The following TGIF1 variants were observed in gnomAD, a reference collection of about 807,000 sequenced individuals.
TGIF1 encodes TGFB induced factor homeobox 1, also known as homeobox protein TGIF1.
A neutral mutation model predicts 19.3 loss-of-function variants in TGIF1; 4 were observed. That is an observed-to-expected ratio of 0.21 (90% CI 0.10 to 0.47). The LOEUF is 0.47. Among genes scored for constraint, TGIF1 ranks in the 20% least tolerant of loss-of-function variants. The pLI is 0.98. For missense variants in TGIF1, 275 were observed against 341.4 expected, an observed-to-expected ratio of 0.81 and a Z score of 1.53; for synonymous variants, 122 against 129.3, an observed-to-expected ratio of 0.94 and a Z score of 0.38.
chr18:3,427,771 T>C (rs2082492392), intron 2 of TGIF1, among the ~76,000 whole-genome samples: 1 of 152,016 alleles, frequency 6.6e-6, no homozygotes, highest in African/African-American at 2.4e-5. Flanking sequence ...GGCTAATTTT[T>C]ATATTTTTAG....
intron 1 of TGIF1, among the ~76,000 whole-genome samples, chr18:3,452,988 T>A (rs946085180): frequency 6.6e-6 from 1 of 152,196 alleles, no homozygotes; most frequent in Admixed American, 6.5e-5. Flanking sequence ...TCCCAGTTTT[T>A]AACTGTTGAA....
intron 1 of TGIF1, chr18:3,453,856 T>C (rs111488303): frequency 9.1e-6 from 9 of 984,988 alleles, no homozygotes; most frequent in East Asian, 1.1e-4. Context: ...TTTTTTAAAG[T>C]GTAAGCAAAG....
intron 2 of TGIF1, among the ~76,000 whole-genome samples, chr18:3,423,670 G>A (rs868867799): frequency 2.6e-5 from 4 of 151,728 alleles, no homozygotes; most frequent in Admixed American, 2.0e-4. Context: ...ACAACAGAGC[G>A]AGACTCCCAT....
At chr18:3,452,636 A>G (rs574175904) in intron 1 of TGIF1, among the ~76,000 whole-genome samples, 1 of 152,106 alleles carries the variant, frequency 6.6e-6, no homozygotes, top group Admixed American at 6.5e-5. Context: ...CTCAAGAACA[A>G]AAGCTACTTG....
At chr18:3,425,742 G>T (rs562082405) in intron 2 of TGIF1, among the ~76,000 whole-genome samples, 14 of 152,206 alleles carry the variant, frequency 9.2e-5, no homozygotes, top group African/African-American at 3.4e-4. Context: ...CTCCAGGCAT[G>T]CTGGGATATT....
At position 3,456,949 on chromosome 18, in the gene TGIF1, C is replaced by CA; in HGVS notation, c.243+370dup. 1 of 579,826 alleles carries CA rather than the reference C, an allele frequency of 1.7e-6. No individual in the cohort carries two copies. Among genetic ancestry groups the CA allele is most frequent in the Non-Finnish European group, 3.0e-6 (1 of 329,632 alleles). 35.9% of individuals were successfully genotyped at this position (579,826 alleles called of 1,614,324 possible). ...CACAGTCATTTGAACTGGGAAAAAT[C>CA]AGTTACTGGGAGGAGTGGCCCTTTT... On this transcript the variant is annotated intron_variant, in intron 2 of 2. Transcript: ENST00000343820. This position sits in a 1 kb window ranked among gnomAD's most constrained non-coding sequence, Gnocchi z 4.2.
At chr18:3,415,610 C>G (rs986054934) in intron 1 of TGIF1, 13 of 202,284 alleles carry the variant, frequency 6.4e-5, no homozygotes, top group African/African-American at 2.9e-4. Context: ...CTTTTGAAAG[C>G]TCTATTTAAT....
chr18:3,451,591 C>T lies in TGIF1; in HGVS notation c.16+1086C>T. On this transcript the variant is annotated intron_variant, in intron 1 of 2. Coordinates refer to ENST00000343820, the MANE Select transcript of TGIF1 (RefSeq NM_003244.4). This position sits in a 1 kb window ranked among gnomAD's most constrained non-coding sequence, Gnocchi z 5.4. ...CGGGAGCCGCCTGGAGTTTGGAACTCCACATTCTTTCAGACCCGGCCCGCT... is the reference window on the plus strand; with the variant it reads ...CGGGAGCCGCCTGGAGTTTGGAACTTCACATTCTTTCAGACCCGGCCCGCT... The T allele has an allele frequency of 3.8e-6, 4 of 1,044,564 alleles. No homozygotes were observed. Among genetic ancestry groups the T allele is most frequent in the Non-Finnish European group, 4.6e-6 (4 of 869,260 alleles). The allele number at this position is 1,044,564 out of a possible 1,614,324, so 64.7% of individuals were successfully genotyped here. A position where few individuals can be genotyped will look rare whatever the true frequency, so the allele number is the denominator to read the frequency against.
intron 1 of TGIF1, among the ~76,000 whole-genome samples, chr18:3,413,271 C>T (rs548642011): frequency 3.9e-5 from 6 of 152,274 alleles, no homozygotes; most frequent in African/African-American, 1.4e-4. Flanking sequence ...GGGAACATGG[C>T]TTATGAATAT....
chr18:3,452,352 C>A (rs1225029658), intron 1 of TGIF1: 1 of 1,613,338 alleles, frequency 6.2e-7, no homozygotes, highest in South Asian at 1.1e-5. Flanking sequence ...GGGTCCAGCT[C>A]CTCGGCGCCG....
intron 2 of TGIF1, among the ~76,000 whole-genome samples, chr18:3,431,285 A>G (rs1360912359): frequency 1.3e-5 from 2 of 152,192 alleles, no homozygotes; most frequent in African/African-American, 4.8e-5. Context: ...CGTCTCTAGT[A>G]AAAATATAAG....
chr18:3,422,673 CTTTTT>C (rs869116407), intron 2 of TGIF1, among the ~76,000 whole-genome samples: 2 of 24,670 alleles, frequency 8.1e-5, no homozygotes, highest in Non-Finnish European at 1.6e-4. Context: ...TATAGGTGGC[CTTTTT>C]TTTTTTTTTT....
chr18:3,438,397 G>A (rs1367524701), intron 2 of TGIF1, among the ~76,000 whole-genome samples: 1 of 152,084 alleles, frequency 6.6e-6, no homozygotes, highest in Middle Eastern at 3.2e-3. Context: ...GGACAAGCAT[G>A]CAGATAAGTT....
At position 3,450,481 on chromosome 18, in the gene TGIF1, A is replaced by C; in HGVS notation, c.-9A>C. On this transcript the variant is annotated 5_prime_UTR_variant, in exon 1 of 3. Transcript: ENST00000343820. ...CCGCCTTGCCTCGCGCTGGGAGGGG[A>C]GATCCAGAATGAAAGGCAAGAAAGG... is the stretch of plus-strand genomic sequence containing the variant. The C allele has an allele frequency of 6.4e-7, 1 of 1,559,984 alleles. No homozygotes were observed. Among genetic ancestry groups the C allele is most frequent in the Non-Finnish European group, 8.7e-7 (1 of 1,152,242 alleles).
chr18:3,449,589 G>A (rs1191510470), upstream of TGIF1: 2 of 975,802 alleles, frequency 2.0e-6, no homozygotes, highest in Non-Finnish European at 2.4e-6. Context: ...TGGAGGAAGA[G>A]CCCCGGGAGG....
rs143056513 is a variant in TGIF1, at chr18:3,435,477, T to G, written c.-45+17262T>G. Reference sequence around the variant, plus strand: ...CCTCCCAAAGTGCTAGGATTACAGGTGTGAGCCACCGCTCCCGGCCTTAAA... The same window carrying G: ...CCTCCCAAAGTGCTAGGATTACAGGGGTGAGCCACCGCTCCCGGCCTTAAA... On this transcript the variant is annotated intron_variant, in intron 2 of 3. Coordinates refer to the TGIF1 transcript ENST00000401449. Among the ~76,000 whole-genome samples, 84 of 152,240 alleles carry G rather than the reference T, an allele frequency of 5.5e-4. 1 individual carries two copies. In the East Asian group the frequency reaches 0.015, roughly 27 times the overall value.
Position 3,453,818 on chromosome 18 carries a change from T to C in TGIF1, c.17-2536T>C, listed in dbSNP as rs78731166. 1,178 of 985,222 alleles carry C rather than the reference T, an allele frequency of 1.2e-3. 1 individual carries two copies. The highest frequency in any genetic ancestry group is 1.3e-3 in the Non-Finnish European group (1,087 of 829,910). 61.0% of individuals were successfully genotyped at this position (985,222 alleles called of 1,614,324 possible). A position where few individuals can be genotyped will look rare whatever the true frequency, so the allele number is the denominator to read the frequency against. On this transcript the variant is annotated intron_variant, in intron 1 of 2. Transcript: ENST00000343820. ...TGGATAGCGTGAAAGAAGCTTGTGA[T>C]CCTGCCCCCACCCTCCCCACCGCCA...
At chr18:3,424,305 C>T (rs1489936214) in intron 2 of TGIF1, among the ~76,000 whole-genome samples, 4 of 151,958 alleles carry the variant, frequency 2.6e-5, no homozygotes, top group Non-Finnish European at 5.9e-5. Context: ...ATATCTCACA[C>T]GAGAGTGTGA....
In TGIF1 at chr18:3,451,486, C is replaced by T. The variant is rs934931865; in HGVS notation, c.16+981C>T. ...TGTGGGCTGGAGGTGGCGTTTCTGT[C>T]GTGATTTATGTGGAGTGGTTCAAAA... On this transcript the variant is annotated intron_variant, in intron 1 of 2. Coordinates refer to ENST00000343820, the MANE Select transcript of TGIF1 (RefSeq NM_003244.4). The surrounding 1 kb of genome is among the most constrained non-coding windows in gnomAD (Gnocchi z 5.4). 6 of 988,334 alleles carry T rather than the reference C, an allele frequency of 6.1e-6. No homozygotes were observed. In the African/African-American group the frequency reaches 8.7e-5, roughly 14 times the overall value. The allele number at this position is 988,334 out of a possible 1,614,324, so 61.2% of individuals were successfully genotyped here. A position where few individuals can be genotyped will look rare whatever the true frequency, so the allele number is the denominator to read the frequency against.
Sources: gnomAD v4.1 joint callset for allele counts (sites outside exome capture counted in the v4.1 genomes callset) on GRCh38, gnomAD v4.1.1 for gene constraint, Gnocchi (gnomAD v3.1) non-coding constraint, MANE v1.5 for transcripts, NCBI Gene and HGNC (gene_info 2026-07-23, HGNC 2026-07-21) for gene names.